EGFLAM: variants seen among roughly 807,000 people sequenced by gnomAD.
The protein encoded by EGFLAM is EGF like, fibronectin type III and laminin G domains, also known as pikachurin.
In EGFLAM, 79 loss-of-function variants were observed where a neutral mutation model predicts 113.1. The observed-to-expected ratio is 0.70, with a 90% CI of 0.58 to 0.84. EGFLAM has a LOEUF of 0.84. Among genes scored for constraint, EGFLAM ranks in the 40% least tolerant of loss-of-function variants. The pLI, the probability that EGFLAM is intolerant of heterozygous loss-of-function variation, is 0.00. For synonymous variants in EGFLAM, 504 were observed against 487.6 expected, an observed-to-expected ratio of 1.03 and a Z score of -0.44; for missense variants, 1,265 against 1,291.6, an observed-to-expected ratio of 0.98 and a Z score of 0.32.
intron 21 of EGFLAM, among the ~76,000 whole-genome samples, chr5:38,463,280 C>T (rs533022380): frequency 6.6e-6 from 1 of 152,310 alleles, no homozygotes; most frequent in East Asian, 1.9e-4. Context: ...CTAAATATAG[C>T]TCCATGAGTT....
chr5:38,406,834 C>A lies in EGFLAM; in HGVS notation c.835C>A (p.Pro279Thr), dbSNP rs768356681. The A allele has an allele frequency of 2.0e-5, 32 of 1,613,406 alleles. No homozygotes were observed. Among genetic ancestry groups the A allele is most frequent in the Non-Finnish European group, 2.6e-5 (31 of 1,179,618 alleles). The change falls in exon 8 of 22, where the codon CCA becomes ACA. Residue 279 changes from proline (P) to threonine (T), a missense_variant. By Grantham distance (38) the Pro-to-Thr change is conservative. Transcript: ENST00000322350. ...DLDISFEEVK[P>T]LPATKGGNKK... ...TTTCCTTCTCTGGCTTTAGGTTAAA[C>A]CACTTCCTGCTACCAAAGGAGGGAA...
At chr5:38,391,384 TTGTGTGTGTG>T (rs758900897) in intron 6 of EGFLAM, among the ~76,000 whole-genome samples, 137 of 98,024 alleles carry the variant, frequency 1.4e-3, no homozygotes, top group Middle Eastern at 4.4e-3. Flanking sequence ...TTTCTTTTCT[TTGTGTGTGTG>T]TGTGTGTGTG....
chr5:38,325,608 AATAGATCTTT>A (rs1258174643), intron 1 of EGFLAM, among the ~76,000 whole-genome samples: 6 of 152,222 alleles, frequency 3.9e-5, no homozygotes. Flanking sequence ...TGTCCTCTCA[AATAGATCTTT>A]CTCTTTTTAA....
Position 38,464,357 on chromosome 5 carries a change from G to A in EGFLAM, c.*371G>A, listed in dbSNP as rs1320030733. 5.2e-6 allele frequency: 1 copy of A among 193,882 alleles called. No homozygotes were observed. Among genetic ancestry groups the A allele is most frequent in the Non-Finnish European group, 1.1e-5 (1 of 94,442 alleles). The allele number at this position is 193,882 out of a possible 1,614,324, so 12.0% of individuals were successfully genotyped here. ...AGAGAGAGAGAGAAAGAATCCCACAGGGCACTATTAAAATACTTCTCTCCT... is the reference window on the plus strand; with the variant it reads ...AGAGAGAGAGAGAAAGAATCCCACAAGGCACTATTAAAATACTTCTCTCCT... On this transcript the variant is annotated 3_prime_UTR_variant, in exon 22 of 22. Transcript: ENST00000322350.
intron 11 of EGFLAM, among the ~76,000 whole-genome samples, chr5:38,413,185 ATTTT>A (rs34326457): frequency 9.9e-6 from 1 of 100,894 alleles, no homozygotes; most frequent in Non-Finnish European, 1.9e-5. Context: ...TGCCTGGCTA[ATTTT>A]TTTTTTTTTT....
intron 12 of EGFLAM, 130 bp downstream of exon 12, chr5:38,418,385 A>G: frequency 8.4e-7 from 1 of 1,193,852 alleles, no homozygotes; most frequent in Non-Finnish European, 1.2e-6. Flanking sequence ...CCTTCAGAAC[A>G]TCAGGAGGGA....
Position 38,418,093 on chromosome 5 carries a change from A to G in EGFLAM, c.1522A>G (p.Thr508Ala). The change falls in exon 12 of 22, where the codon ACA (threonine) becomes GCA (alanine). Residue 508 changes from threonine (T) to alanine (A), a missense_variant. Coordinates refer to ENST00000322350, the MANE Select transcript of EGFLAM (RefSeq NM_152403.4). ...QGQYSKITFR[T>A]PLYLGGAPSA... Reference sequence around the variant, plus strand: ...CCAATACAGTAAAATTACTTTCCGGACACCTCTCTATCTTGGTGGCGCTCC... The same window carrying G: ...CCAATACAGTAAAATTACTTTCCGGGCACCTCTCTATCTTGGTGGCGCTCC... The G allele has an allele frequency of 6.2e-7, 1 of 1,613,562 alleles. No individual in the cohort carries two copies. Among genetic ancestry groups the G allele is most frequent in the Non-Finnish European group, 8.5e-7 (1 of 1,179,806 alleles).
At chr5:38,419,966 G>A (rs1170065087) in intron 12 of EGFLAM, among the ~76,000 whole-genome samples, 1 of 152,212 alleles carries the variant, frequency 6.6e-6, no homozygotes, top group Non-Finnish European at 1.5e-5. Context: ...GGCAGAGGTT[G>A]CAGTGAGCCA....
chr5:38,326,422 A>G (rs2589823), intron 1 of EGFLAM, among the ~76,000 whole-genome samples: 56,953 of 151,792 alleles, frequency 0.38, 14,418 homozygotes, highest in African/African-American at 0.72. Context: ...GTCACTGTCC[A>G]CTGACAATTC....
At chr5:38,380,467 G>A (rs543909241) in intron 6 of EGFLAM, among the ~76,000 whole-genome samples, 1 of 152,346 alleles carries the variant, frequency 6.6e-6, no homozygotes, top group South Asian at 2.1e-4. Flanking sequence ...AACTGAGGAA[G>A]AGGTTCCTTT....
chr5:38,445,808 C>T (rs548267340), intron 17 of EGFLAM: 2 of 1,221,590 alleles, frequency 1.6e-6, no homozygotes, highest in Admixed American at 1.7e-5. Context: ...CTGGGACATG[C>T]CTACGCGTGG....
At chr5:38,261,611 T>A (rs1203934682) in intron 1 of EGFLAM, among the ~76,000 whole-genome samples, 1 of 152,156 alleles carries the variant, frequency 6.6e-6, no homozygotes, top group Non-Finnish European at 1.5e-5. Flanking sequence ...TTGTAGGGTG[T>A]CTTCCTGGAG....
At chr5:38,425,581 G>A (rs1741978922) in intron 13 of EGFLAM, among the ~76,000 whole-genome samples, 1 of 152,166 alleles carries the variant, frequency 6.6e-6, no homozygotes, top group African/African-American at 2.4e-5. Context: ...GTGTCTCTGA[G>A]TGCCAAAATT....
chr5:38,314,244 C>T lies in EGFLAM; in HGVS notation c.98-23276C>T, dbSNP rs113677206. ...TCCTAATGTTATCTGTTGAATAATTCATCCATTCCCCATTTATCCAAGATG... is the reference window on the plus strand; with the variant it reads ...TCCTAATGTTATCTGTTGAATAATTTATCCATTCCCCATTTATCCAAGATG... On this transcript the variant is annotated intron_variant, in intron 1 of 21. Coordinates refer to ENST00000322350, the MANE Select transcript of EGFLAM (RefSeq NM_152403.4). 1.4e-3 allele frequency among the ~76,000 whole-genome samples: 210 copies of T among 152,282 alleles called. 1 individual carries two copies. The highest frequency in any genetic ancestry group is 4.4e-3 in the African/African-American group (182 of 41,540).
chr5:38,366,717 A>T (rs1357839559), intron 5 of EGFLAM, among the ~76,000 whole-genome samples: 1 of 152,158 alleles, frequency 6.6e-6, no homozygotes, highest in Non-Finnish European at 1.5e-5. Context: ...CAGATCAGTG[A>T]CTCTCAAAGC....
intron 6 of EGFLAM, among the ~76,000 whole-genome samples, chr5:38,395,263 A>G (rs1179170392): frequency 2.5e-5 from 3 of 122,312 alleles, no homozygotes; most frequent in South Asian, 2.5e-4. Flanking sequence ...TTTTTTTTAG[A>G]GACTGGGTCT....
At chr5:38,392,629 T>TTGC (rs747307665) in intron 6 of EGFLAM, among the ~76,000 whole-genome samples, 1 of 148,376 alleles carries the variant, frequency 6.7e-6, no homozygotes, top group African/African-American at 2.6e-5. Flanking sequence ...TCTTTTTTTT[T>TTGC]GGGGGGGCGG....
chr5:38,425,958 C>G (rs1741992283), intron 13 of EGFLAM, among the ~76,000 whole-genome samples: 1 of 152,052 alleles, frequency 6.6e-6, no homozygotes, highest in East Asian at 1.9e-4. Flanking sequence ...CAAAAATTAG[C>G]TGGGTGTGGT....
At chr5:38,363,373 T>C (rs545812319) in intron 5 of EGFLAM, among the ~76,000 whole-genome samples, 1 of 152,246 alleles carries the variant, frequency 6.6e-6, no homozygotes, top group East Asian at 1.9e-4. Flanking sequence ...GAAATATAAT[T>C]CAAGGGGTCC....
Sources: allele counts gnomAD v4.1 joint callset (sites outside exome capture counted in the v4.1 genomes callset), GRCh38; gene constraint gnomAD v4.1.1; transcripts MANE v1.5; gene names NCBI Gene and HGNC (gene_info 2026-07-23, HGNC 2026-07-21).